Variants in UBR1 observed in about 807,000 individuals in gnomAD.
UBR1 encodes the protein ubiquitin protein ligase E3 component n-recognin 1.
UBR1 carries 102 observed loss-of-function variants against 242.1 expected under a neutral mutation model. The ratio of observed to expected loss-of-function variants is 0.42; its 90% CI spans 0.36 to 0.50. UBR1 has a LOEUF of 0.50. Ranked by LOEUF, UBR1 falls within the 20% of genes least tolerant of loss-of-function variation. The pLI is 0.01. For synonymous variants in UBR1, 675 were observed against 684.8 expected (o/e 0.99, Z 0.22); for missense variants, 1,772 against 2,101.8 (o/e 0.84, Z 3.07).
At chr15:42,996,143 T>G (rs887413614) in intron 33 of UBR1, among the ~76,000 whole-genome samples, 4 of 151,654 alleles carry the variant, frequency 2.6e-5, no homozygotes, top group African/African-American at 9.6e-5. Flanking sequence ...CTTCCCTTAC[T>G]ACTTCAGCCC....
rs1028544370 is a variant in UBR1 at position 42,976,610 on chromosome 15, A to G, written c.4369+107T>C. The G allele has an allele frequency of 1.9e-5, 26 of 1,386,832 alleles. No individual in the cohort carries two copies. In the East Asian group the frequency reaches 1.9e-4, roughly 10 times the overall value. 85.9% of individuals were successfully genotyped at this position (1,386,832 alleles called of 1,614,324 possible). On this transcript the variant is annotated intron_variant, in intron 39 of 46. Transcript: ENST00000290650. ...AACAGATAATCATTCAACAAAAAAC[A>G]TAACACAGAACCTAGAAATACATTA...
chr15:43,090,806 T>C (rs962000365), intron 1 of UBR1, among the ~76,000 whole-genome samples: 1 of 152,192 alleles, frequency 6.6e-6, no homozygotes, highest in South Asian at 2.1e-4. Flanking sequence ...GGAAGTAAAC[T>C]GACTTGTCCA....
At chr15:43,039,590 G>C (rs1352852997) in intron 15 of UBR1, among the ~76,000 whole-genome samples, 1 of 152,150 alleles carries the variant, frequency 6.6e-6, no homozygotes, top group African/African-American at 2.4e-5. Context: ...TGAGACGATG[G>C]GGTTTTATAA....
chr15:42,952,431 T>C lies in UBR1; in HGVS notation c.4853A>G (p.Asp1618Gly). The C allele has an allele frequency of 6.2e-7, 1 of 1,614,222 alleles. No individual in the cohort carries two copies. Among genetic ancestry groups the C allele is most frequent in the Non-Finnish European group, 8.5e-7 (1 of 1,180,040 alleles). The stretch of plus-strand genomic sequence containing the variant: ...GAGGACAGGATGCTTTCGCTCATCA[T>C]CTGCAGACCGTGGGCACCTCAAAAG... ...ASHFRCPRSADDERKHPVLCL... is the reference protein window; with the variant it reads ...ASHFRCPRSAGDERKHPVLCL... Residue 1618 changes from aspartate (D) to glycine (G), a missense_variant, in exon 45 of 47, where the codon GAT (aspartate) becomes GGT (glycine). Physicochemically the swap from Asp to Gly is moderately conservative, Grantham distance 94. Transcript: ENST00000290650.
chr15:43,059,762 C>T lies in UBR1; in HGVS notation c.925G>A (p.Ala309Thr), dbSNP rs1475392062. 6.2e-7 allele frequency: 1 copy of T among 1,613,916 alleles called. No individual in the cohort carries two copies. The highest frequency in any genetic ancestry group is 1.3e-5 in the African/African-American group (1 of 74,890). Residue 309 changes from alanine (A) to threonine (T), a missense_variant, in exon 8 of 47, where the codon GCT becomes ACT. Physicochemically the swap from Ala to Thr is moderately conservative, Grantham distance 58 (BLOSUM62 0). Around this residue, in one of 3 missense-constraint regions of UBR1, gnomAD observed 734 missense variants for 893.3 expected, o/e 0.82. Transcript: ENST00000290650. ...AGACGCAAAGCAAATTTCTGATGAG[C>T]CATAATCTCTGAGTGTAATACTTCT... ...HVEVLHSEIM[A>T]HQKFALRLGS...
chr15:42,998,129 C>T (rs2032667965), intron 33 of UBR1, 39 bp downstream of exon 33: 1 of 1,514,368 alleles, frequency 6.6e-7, no homozygotes, highest in South Asian at 1.1e-5. Flanking sequence ...ATTCTGACAC[C>T]ATCTTCACAT....
chr15:43,026,479 T>C (rs973059131), intron 23 of UBR1, 82 bp downstream of exon 23: 6 of 1,205,154 alleles, frequency 5.0e-6, no homozygotes, highest in African/African-American at 3.0e-5. Context: ...CGTGAAACTA[T>C]AGAAAAAGCA....
intron 1 of UBR1, among the ~76,000 whole-genome samples, chr15:43,096,548 A>C (rs1295520136): frequency 2.6e-5 from 4 of 152,230 alleles, no homozygotes; most frequent in African/African-American, 9.6e-5. Flanking sequence ...ATGTGATAGC[A>C]TGTTACCAAT....
At position 43,068,939 on chromosome 15, in the gene UBR1, C is replaced by G. The variant is rs542650246; in HGVS notation, c.660-903G>C. Among the ~76,000 whole-genome samples the G allele has an allele frequency of 2.0e-5, 3 of 152,320 alleles. No homozygotes were observed. In the East Asian group the frequency reaches 5.8e-4, roughly 29 times the overall value. ...TATCTCCTATTCTGACAAAAGGAGA[C>G]AGGCCTCAGGCTCAGAACCTTGAAG... On this transcript the variant is annotated intron_variant, in intron 5 of 46. Coordinates refer to ENST00000290650, the MANE Select transcript of UBR1 (RefSeq NM_174916.3).
intron 6 of UBR1, among the ~76,000 whole-genome samples, chr15:43,064,663 A>G (rs1596126586): frequency 6.8e-6 from 1 of 147,302 alleles, no homozygotes; most frequent in East Asian, 2.0e-4. Context: ...TGCAACCTCC[A>G]CCTCCCAGGT....
intron 37 of UBR1, among the ~76,000 whole-genome samples, chr15:42,981,638 C>T (rs975571501): frequency 3.3e-5 from 5 of 152,012 alleles, no homozygotes; most frequent in East Asian, 1.9e-4. Flanking sequence ...TACAGGCGCC[C>T]GCCACCACGC....
chr15:43,027,927 G>T, intron 21 of UBR1, 99 bp from the exon 22 acceptor site: 2 of 996,506 alleles, frequency 2.0e-6, no homozygotes, highest in Non-Finnish European at 1.5e-6. Flanking sequence ...GAAGTACTTT[G>T]TAAATAATTT....
intron 27 of UBR1, 141 bp downstream of exon 27, chr15:43,021,134 A>T (rs2033105333): frequency 1.6e-6 from 1 of 635,572 alleles, no homozygotes; most frequent in Non-Finnish European, 2.7e-6. Context: ...ATAGGAAAAT[A>T]GAATTATTAA....
chr15:43,013,373 A>G (rs1006389348), intron 29 of UBR1, among the ~76,000 whole-genome samples: 8 of 152,168 alleles, frequency 5.3e-5, no homozygotes, highest in African/African-American at 1.7e-4. Context: ...AAATTAACCA[A>G]TTTCTCTAAG....
intron 2 of UBR1, among the ~76,000 whole-genome samples, chr15:43,085,340 A>G (rs1013286658): frequency 1.1e-4 from 16 of 152,256 alleles, no homozygotes; most frequent in African/African-American, 2.7e-4. Context: ...AATGGCCCCA[A>G]AGAGTTTCAG....
chr15:42,979,592 C>T (rs952227485), intron 37 of UBR1, among the ~76,000 whole-genome samples: 4 of 152,066 alleles, frequency 2.6e-5, no homozygotes, highest in Admixed American at 2.0e-4. Flanking sequence ...ACTCTGTCCC[C>T]CAGGCTGGAG....
intron 14 of UBR1, 33 bp downstream of exon 14, chr15:43,047,128 A>T (rs1220059848): frequency 2.5e-6 from 4 of 1,613,298 alleles, no homozygotes; most frequent in Non-Finnish European, 3.4e-6. Context: ...AGAACTTAAA[A>T]AGGCACTGAT....
chr15:43,045,683 A>C (rs2033476528), intron 14 of UBR1, among the ~76,000 whole-genome samples: 1 of 152,246 alleles, frequency 6.6e-6, no homozygotes, highest in Non-Finnish European at 1.5e-5. Context: ...TACCATGTAA[A>C]TGGGACAAGC....
Position 43,038,197 on chromosome 15 carries a change from A to G in UBR1, c.1885T>C (p.Ser629Pro). The change falls in exon 16 of 47, where the codon TCA (serine) becomes CCA (proline). Residue 629 changes from serine to proline, a missense_variant. This residue lies in a region of UBR1 where 734 missense variants were observed against 893.3 expected (regional missense o/e 0.82). Coordinates refer to ENST00000290650, the MANE Select transcript of UBR1 (RefSeq NM_174916.3). ...AAAGACACAAATTCATGCAGTCTTG[A>G]AACAGCACCCAGCCTGCTTAAACGT... ...HVRLSRLGAV[S>P]RLHEFVSFED... 1 of 1,614,186 alleles carries G rather than the reference A, an allele frequency of 6.2e-7. No individual in the cohort carries two copies. The highest frequency in any genetic ancestry group is 1.1e-5 in the South Asian group (1 of 91,084).
Sources: gnomAD v4.1 joint callset for allele counts (sites outside exome capture counted in the v4.1 genomes callset) on GRCh38, gnomAD v4.1.1 for gene constraint, gnomAD v4.1.1 regional missense constraint, MANE v1.5 for transcripts, NCBI Gene and HGNC (gene_info 2026-07-23, HGNC 2026-07-21) for gene names.